The following ZNF517 variants were observed in gnomAD, a reference collection of about 807,000 sequenced individuals.
The protein encoded by ZNF517 is zinc finger protein 517.
In ZNF517, 12 loss-of-function variants were observed where a neutral mutation model predicts 12.1. The observed-to-expected ratio is 0.99, with a 90% confidence interval of 0.63 to 1.61. ZNF517 has a LOEUF of 1.61. Ranked by LOEUF, ZNF517 falls within the 40% of genes most tolerant of loss-of-function variation. The pLI is 0.00. For missense variants in ZNF517, 781 were observed against 693.2 expected (o/e 1.13, Z -1.42); for synonymous variants, 388 against 310.2 (o/e 1.25, Z -2.63).
At chr8:144,812,689 C>T (rs1378269385), downstream of ZNF517, among the ~76,000 whole-genome samples, 4 of 152,158 alleles carry the variant, frequency 2.6e-5, no homozygotes, top group Non-Finnish European at 5.9e-5. Context: ...TCTACCATGC[C>T]CCAGACCCAA....
rs1563811851 is a variant in ZNF517, at chr8:144,808,446, C to CG, written c.*55dup. 1 of 1,431,244 alleles carries CG rather than the reference C, an allele frequency of 7.0e-7. No individual in the cohort carries two copies. Among genetic ancestry groups the CG allele is most frequent in the South Asian group, 1.6e-5 (1 of 63,774 alleles). The allele number at this position is 1,431,244 out of a possible 1,614,324, so 88.7% of individuals were successfully genotyped here. A position where few individuals can be genotyped will look rare whatever the true frequency, so the allele number is the denominator to read the frequency against. On this transcript the variant is annotated 3_prime_UTR_variant, in exon 5 of 5. Coordinates refer to ENST00000359971, the MANE Select transcript of ZNF517 (RefSeq NM_213605.3). ...CACGCTGGAAGCCCACCCAAGCCGGCGGGGCCCTAGCGCAGAAATTCAGAA... is the reference window on the plus strand; with the variant it reads ...CACGCTGGAAGCCCACCCAAGCCGGCGGGGGCCCTAGCGCAGAAATTCAGAA...
Position 144,808,070 on chromosome 8 carries a change from T to A in ZNF517, c.1154T>A (p.Leu385Gln). ...TTCCGACACAACTCCCTGCTGCTGC[T>A]GCACCTGCGCCTACACACGGGCGAG... is the stretch of plus-strand genomic sequence containing the variant. The part of the protein sequence containing the change: ...RPFRHNSLLL[L>Q]HLRLHTGEKP... Residue 385 changes from leucine to glutamine, a missense_variant, in exon 5 of 5, where the codon CTG becomes CAG. Coordinates refer to ENST00000359971, the MANE Select transcript of ZNF517 (RefSeq NM_213605.3). 6.2e-7 allele frequency: 1 copy of A among 1,607,462 alleles called. No individual in the cohort carries two copies.
In ZNF517 at chr8:144,808,266, G is replaced by A. The variant is rs1050020655; in HGVS notation, c.1350G>A (p.Arg450=). ...NEHYRLHSGE[R]PYRCRACGRA... The stretch of plus-strand genomic sequence containing the variant: ...ACTACCGGCTCCACAGCGGCGAGAG[G>A]CCATACCGGTGCCGCGCCTGCGGGA... Residue 450 remains arginine (R), a synonymous_variant, in exon 5 of 5, where the codon AGG becomes AGA. Transcript: ENST00000359971. 11 of 1,584,062 alleles carry A rather than the reference G, an allele frequency of 6.9e-6. No homozygotes were observed. The highest frequency in any genetic ancestry group is 1.7e-4 in the Middle Eastern group (1 of 5,974).
chr8:144,806,061 C>A (rs1231560060), intron 4 of ZNF517, among the ~76,000 whole-genome samples: 1 of 152,204 alleles, frequency 6.6e-6, no homozygotes, highest in Non-Finnish European at 1.5e-5. Context: ...ACTGGAACAG[C>A]TTGTGCCCTC....
intron 4 of ZNF517, among the ~76,000 whole-genome samples, chr8:144,806,458 C>G (rs1448195581): frequency 2.0e-5 from 3 of 152,060 alleles, no homozygotes; most frequent in Admixed American, 6.6e-5. Flanking sequence ...CCCTTCTCAC[C>G]CGAACCCTGA....
At position 144,808,136 on chromosome 8, in the gene ZNF517, G is replaced by T. The variant is rs769339854; in HGVS notation, c.1220G>T (p.Arg407Leu). 1 of 1,611,238 alleles carries T rather than the reference G, an allele frequency of 6.2e-7. No individual in the cohort carries two copies. The highest frequency in any genetic ancestry group is 1.3e-5 in the African/African-American group (1 of 74,680). The change falls in exon 5 of 5, where the codon CGC becomes CTC. Residue 407 changes from arginine (R) to leucine (L), a missense_variant. Transcript: ENST00000359971. ...ECAECGKAFG[R>L]KSNLTLHQKI... is the part of the protein sequence containing the mutation. ...GCGGAGTGCGGCAAGGCCTTCGGTC[G>T]CAAGTCCAACCTCACTCTGCACCAG...
intron 1 of ZNF517, among the ~76,000 whole-genome samples, chr8:144,802,099 A>C (rs1300093426): frequency 2.0e-5 from 3 of 152,226 alleles, no homozygotes; most frequent in Non-Finnish European, 4.4e-5. Flanking sequence ...AGAGAGAGCT[A>C]GAGTTTTATG....
Position 144,804,126 on chromosome 8 carries a change from C to T in ZNF517, c.162C>T (p.Gly54=). ...LENYGNLASL[G]FLVAKPALIS... ...GCTGCTTTCCTTCTCTGAGCTTAGG[C>T]TTTCTTGTTGCCAAACCAGCACTGA... The change falls in exon 4 of 5, where the codon GGC becomes GGT. Residue 54 remains glycine (G), a splice_region_variant and synonymous_variant. Coordinates refer to ENST00000359971, the MANE Select transcript of ZNF517 (RefSeq NM_213605.3). 6.2e-7 allele frequency: 1 copy of T among 1,613,930 alleles called. No homozygotes were observed. The highest frequency in any genetic ancestry group is 8.5e-7 in the Non-Finnish European group (1 of 1,179,850).
rs192543444 is a variant in ZNF517, at chr8:144,802,998, A to G, written c.33+51A>G. 9,685 of 1,610,304 alleles carry G rather than the reference A, an allele frequency of 6.0e-3. 51 individuals carry two copies. The highest frequency in any genetic ancestry group is 7.5e-3 in the Non-Finnish European group (8,858 of 1,177,974). Reference sequence around the variant, plus strand: ...TGCCCCAGGAGACTGCTTCGCCCCTAGCCTCAGCTTTTCAGCCCTGAGAAC... The same window carrying G: ...TGCCCCAGGAGACTGCTTCGCCCCTGGCCTCAGCTTTTCAGCCCTGAGAAC... On this transcript the variant is annotated intron_variant, in intron 2 of 4. Coordinates refer to ENST00000359971, the MANE Select transcript of ZNF517 (RefSeq NM_213605.3).
At position 144,808,296 on chromosome 8, in the gene ZNF517, C is replaced by G. The variant is rs1827393601; in HGVS notation, c.1380C>G (p.Ala460=). Residue 460 remains alanine (A), a synonymous_variant, in exon 5 of 5, where the codon GCC becomes GCG. Transcript: ENST00000359971. Reference sequence around the variant, plus strand: ...ACCGGTGCCGCGCCTGCGGGAGGGCCTGCAGCCGGCTGTCCACCCTCATCC... The same window carrying G: ...ACCGGTGCCGCGCCTGCGGGAGGGCGTGCAGCCGGCTGTCCACCCTCATCC... ...RPYRCRACGR[A]CSRLSTLIQH... is the part of the protein sequence containing the mutation. 1.9e-6 allele frequency: 3 copies of G among 1,540,988 alleles called. No homozygotes were observed. In the East Asian group the frequency reaches 7.2e-5, roughly 37 times the overall value.
chr8:144,803,204 C>T, intron 2 of ZNF517: 1 of 549,450 alleles, frequency 1.8e-6, no homozygotes, highest in South Asian at 2.4e-5. Flanking sequence ...CCATTGAGGG[C>T]AGGGTCCCTG....
rs773426709 is a variant in ZNF517 at position 144,803,732 on chromosome 8, T to C, written c.125T>C (p.Val42Ala). ...GACCAGCAGGCACTCTACAGGGACG[T>C]GATGCTGGAGAACTATGGGAACCTG... ...APDQQALYRD[V>A]MLENYGNLAS... The change falls in exon 3 of 5, where the codon GTG (valine) becomes GCG (alanine). Residue 42 changes from valine (V) to alanine (A), a missense_variant. Physicochemically the swap from Val to Ala is moderately conservative, Grantham distance 64 (BLOSUM62 0). Transcript: ENST00000359971. 6.8e-6 allele frequency: 11 copies of C among 1,614,052 alleles called. No individual in the cohort carries two copies. The African/African-American group carries it at 1.5e-4, about 22-fold the overall frequency.
intron 1 of ZNF517, chr8:144,800,443 A>G: frequency 1.0e-6 from 1 of 970,684 alleles, no homozygotes; most frequent in Non-Finnish European, 1.2e-6. Context: ...TACCGCTCCT[A>G]GTCCAAGTCC....
At chr8:144,801,976 T>C (rs1221544704) in intron 1 of ZNF517, among the ~76,000 whole-genome samples, 2 of 152,066 alleles carry the variant, frequency 1.3e-5, no homozygotes, top group Non-Finnish European at 2.9e-5. Flanking sequence ...GAGGCTGCAG[T>C]GAGCTGAGAT....
At chr8:144,806,537 T>G (rs1827231686) in intron 4 of ZNF517, among the ~76,000 whole-genome samples, 1 of 152,118 alleles carries the variant, frequency 6.6e-6, no homozygotes, top group Non-Finnish European at 1.5e-5. Flanking sequence ...CAGGCTGGAG[T>G]GCAGTGGTGC....
At position 144,802,962 on chromosome 8, in the gene ZNF517, A is replaced by ATT; in HGVS notation, c.33+15_33+16insTT. ...CTGGACCTCAGGTGAGCACCCCCTG[A>ATT]GCCCGTCCATTGCCCCAGGAGACTG... On this transcript the variant is annotated intron_variant, in intron 2 of 4. Coordinates refer to ENST00000359971, the MANE Select transcript of ZNF517 (RefSeq NM_213605.3). The ATT allele has an allele frequency of 6.2e-7, 1 of 1,613,794 alleles. No individual in the cohort carries two copies. The highest frequency in any genetic ancestry group is 8.5e-7 in the Non-Finnish European group (1 of 1,179,898).
chr8:144,805,421 C>T (rs1005488811), intron 4 of ZNF517, among the ~76,000 whole-genome samples: 3 of 152,208 alleles, frequency 2.0e-5, no homozygotes, highest in African/African-American at 7.2e-5. Context: ...AGCTCCGCCT[C>T]CCGGGTTCAC....
downstream of ZNF517, chr8:144,810,480 C>T: frequency 2.5e-6 from 1 of 396,508 alleles, no homozygotes; most frequent in Middle Eastern, 3.2e-4. Flanking sequence ...AACAAGAATC[C>T]TGGGCAGTAG....
intron 3 of ZNF517, 40 bp from the exon 4 acceptor site, chr8:144,804,085 T>C: frequency 6.3e-7 from 1 of 1,598,010 alleles, no homozygotes; most frequent in Admixed American, 1.7e-5. Flanking sequence ...CCCTTCTCCC[T>C]CCTGTACTGA....
Sources: allele counts gnomAD v4.1 joint callset (sites outside exome capture counted in the v4.1 genomes callset), GRCh38; gene constraint gnomAD v4.1.1; transcripts MANE v1.5; gene names NCBI Gene and HGNC (gene_info 2026-07-23, HGNC 2026-07-21).